Variants in PTPRK observed in about 807,000 individuals in gnomAD.
PTPRK encodes the protein receptor-type tyrosine-protein phosphatase kappa.
PTPRK carries 75 observed loss-of-function variants against 178.0 expected under a neutral mutation model. That is an observed-to-expected ratio of 0.42 (90% confidence interval 0.35 to 0.51). The LOEUF (loss-of-function observed/expected upper bound fraction) is 0.51, where lower values mean the gene tolerates loss of function less well. Among genes scored for constraint, PTPRK ranks in the 20% least tolerant of loss-of-function variants. PTPRK has a pLI of 0.02. For missense variants in PTPRK, 1,441 were observed against 1,797.8 expected (o/e 0.80, Z 3.59); for synonymous variants, 637 against 620.6 (o/e 1.03, Z -0.39).
chr6:127,998,729 C>T lies in PTPRK; in HGVS notation c.2670G>A (p.Glu890=). 1 of 1,572,674 alleles carries T rather than the reference C, an allele frequency of 6.4e-7. No individual in the cohort carries two copies. The highest frequency in any genetic ancestry group is 8.7e-7 in the Non-Finnish European group (1 of 1,155,878). ...MKTSDSYGFK[E]EYESFFEGQS... is the part of the protein sequence containing the mutation. ...ATCAAAACTTATTCACCTCATATTCCTCTTTGAACCCATAGCTGTCTGATG... is the reference window on the plus strand; with the variant it reads ...ATCAAAACTTATTCACCTCATATTCTTCTTTGAACCCATAGCTGTCTGATG... Residue 890 remains glutamate, a synonymous_variant, in exon 16 of 30, where the codon GAG becomes GAA. Transcript: ENST00000368226.
At chr6:128,245,704 T>C (rs1327700544) in intron 3 of PTPRK, among the ~76,000 whole-genome samples, 1 of 152,228 alleles carries the variant, frequency 6.6e-6, no homozygotes, top group African/African-American at 2.4e-5. Context: ...TGTGTGTGCA[T>C]ATGATTTACA....
In PTPRK at chr6:128,003,380, T is replaced by G; in HGVS notation, c.2494+1704A>C. On this transcript the variant is annotated intron_variant, in intron 15 of 29. Coordinates refer to ENST00000368226, the MANE Select transcript of PTPRK (RefSeq NM_002844.4). ...TGTATTCTGCAAATGTAAAATTTTC[T>G]CTCTCAGCTTGGGTTATATCTAAAC... 4 of 775,478 alleles carry G rather than the reference T, an allele frequency of 5.2e-6. No individual in the cohort carries two copies. In the South Asian group the frequency reaches 7.5e-5, roughly 15 times the overall value. 48.0% of individuals were successfully genotyped at this position (775,478 alleles called of 1,614,324 possible).
chr6:128,037,099 C>T (rs776415380), intron 13 of PTPRK, among the ~76,000 whole-genome samples: 10 of 152,118 alleles, frequency 6.6e-5, no homozygotes, highest in Non-Finnish European at 1.3e-4. Context: ...CCTCCCTCGC[C>T]TTTTTCCTTT....
chr6:128,242,452 A>G (rs1460323527), intron 4 of PTPRK, 69 bp downstream of exon 4: 6 of 1,568,892 alleles, frequency 3.8e-6, no homozygotes, highest in Middle Eastern at 1.7e-4. Context: ...TAAACAATCA[A>G]TAGTCACTGC....
At chr6:127,994,479 A>G (rs1176688977) in intron 18 of PTPRK, among the ~76,000 whole-genome samples, 3 of 151,830 alleles carry the variant, frequency 2.0e-5, no homozygotes, top group Non-Finnish European at 3.0e-5. Context: ...TTCTCACAAC[A>G]AAGTGATGAG....
chr6:128,003,300 T>TAAAG, intron 15 of PTPRK: 1 of 1,312,906 alleles, frequency 7.6e-7, no homozygotes, highest in Non-Finnish European at 1.1e-6. Flanking sequence ...CTTTTTTCTT[T>TAAAG]AAAATAGATT....
chr6:128,464,654 T>TAC (rs1554271853), intron 1 of PTPRK, among the ~76,000 whole-genome samples: 4 of 111,318 alleles, frequency 3.6e-5, no homozygotes, highest in Non-Finnish European at 7.5e-5. Context: ...TATATATATA[T>TAC]ATATATATAT....
intron 1 of PTPRK, among the ~76,000 whole-genome samples, chr6:128,456,194 C>A (rs1398144294): frequency 6.6e-6 from 1 of 151,890 alleles, no homozygotes; most frequent in African/African-American, 2.4e-5. Context: ...GTTATGAGAT[C>A]ATAACAAGAT....
At chr6:128,193,977 G>A (rs879734658) in intron 6 of PTPRK, among the ~76,000 whole-genome samples, 8 of 151,076 alleles carry the variant, frequency 5.3e-5, no homozygotes, top group East Asian at 3.9e-4. Context: ...AAAAAGTAGC[G>A]TCTCATTTTG....
Position 128,174,874 on chromosome 6 carries a change from A to C in PTPRK, c.1162+9558T>G, listed in dbSNP as rs1338052100. On this transcript the variant is annotated intron_variant, in intron 7 of 29. Transcript: ENST00000368226. ...TTTGTGCACATCTATTATACAGCTTATTGGTTTAATTATTAACCTGCATGT... is the reference window on the plus strand; with the variant it reads ...TTTGTGCACATCTATTATACAGCTTCTTGGTTTAATTATTAACCTGCATGT... Among the ~76,000 whole-genome samples, 5 of 148,648 alleles carry C rather than the reference A, an allele frequency of 3.4e-5. No homozygotes were observed. In the South Asian group the frequency reaches 1.0e-3, roughly 31 times the overall value.
At chr6:127,995,160 CTAG>C (rs1353340652) in intron 18 of PTPRK, 1 of 1,279,088 alleles carries the variant, frequency 7.8e-7, no homozygotes, top group East Asian at 2.5e-5. Flanking sequence ...GCAGAAATAA[CTAG>C]TAGTAACAGA....
intron 2 of PTPRK, among the ~76,000 whole-genome samples, chr6:128,384,488 T>G (rs758348114): frequency 1.2e-4 from 19 of 152,288 alleles, no homozygotes; most frequent in Non-Finnish European, 2.1e-4. Flanking sequence ...GCCATACTGG[T>G]GTTAGGCCAC....
chr6:128,005,948 G>T, intron 14 of PTPRK: 1 of 1,124,910 alleles, frequency 8.9e-7, no homozygotes, highest in East Asian at 2.9e-5. Flanking sequence ...AAAATTGCAA[G>T]CATTCTGTTT....
At chr6:128,325,772 G>C (rs1242590217) in intron 2 of PTPRK, among the ~76,000 whole-genome samples, 1 of 152,108 alleles carries the variant, frequency 6.6e-6, no homozygotes, top group Non-Finnish European at 1.5e-5. Context: ...GATTCCTCAA[G>C]GATCTAAAAC....
In PTPRK at chr6:128,326,692, T is replaced by C. The variant is rs564254072; in HGVS notation, c.224-4382A>G. Among the ~76,000 whole-genome samples, 3 of 152,316 alleles carry C rather than the reference T, an allele frequency of 2.0e-5. No individual in the cohort carries two copies. The South Asian group carries it at 6.2e-4, about 32-fold the overall frequency. The stretch of plus-strand genomic sequence containing the variant: ...TCACATATGCACACACATACACTTG[T>C]ACATATGACTGGAAAAATATGTAGC... On this transcript the variant is annotated intron_variant, in intron 2 of 29. Transcript: ENST00000368226.
intron 15 of PTPRK, among the ~76,000 whole-genome samples, chr6:128,002,501 C>A (rs1777945487): frequency 6.6e-6 from 1 of 151,674 alleles, no homozygotes; most frequent in Non-Finnish European, 1.5e-5. Flanking sequence ...AAAATGAAAC[C>A]CATTCCATTC....
intron 2 of PTPRK, among the ~76,000 whole-genome samples, chr6:128,375,101 A>G (rs1836863841): frequency 6.8e-6 from 1 of 146,326 alleles, no homozygotes; most frequent in African/African-American, 2.5e-5. Flanking sequence ...TATTATTATT[A>G]TTATCCTTTT....
intron 1 of PTPRK, among the ~76,000 whole-genome samples, chr6:128,445,444 T>C (rs1846881290): frequency 6.7e-6 from 1 of 149,782 alleles, no homozygotes; most frequent in Non-Finnish European, 1.5e-5. Flanking sequence ...ATTGTATTAG[T>C]CCCTTTTCAC....
chr6:128,014,711 T>C (rs1779416539), intron 13 of PTPRK, among the ~76,000 whole-genome samples: 1 of 151,574 alleles, frequency 6.6e-6, no homozygotes, highest in Non-Finnish European at 1.5e-5. Context: ...AAATATACAA[T>C]GACAGGTTTT....
Sources: allele counts gnomAD v4.1 joint callset (sites outside exome capture counted in the v4.1 genomes callset), GRCh38; gene constraint gnomAD v4.1.1; transcripts MANE v1.5; gene names NCBI Gene and HGNC (gene_info 2026-07-23, HGNC 2026-07-21).